ST6GALNAC3: variants seen among roughly 807,000 people sequenced by gnomAD.
ST6GALNAC3 encodes the protein ST6 N-acetylgalactosaminide alpha-2,6-sialyltransferase 3.
Under a neutral mutation model 32.7 loss-of-function variants are expected in ST6GALNAC3, and 25 were observed. The ratio of observed to expected loss-of-function variants is 0.76; its 90% CI spans 0.56 to 1.07. The LOEUF (loss-of-function observed/expected upper bound fraction) is 1.07. ST6GALNAC3 is among the 50% of genes least tolerant of loss of function. The probability of loss-of-function intolerance (pLI) is 0.00; values close to 1 mark genes in which losing one functional copy is unlikely to be tolerated. For missense variants in ST6GALNAC3, 355 were observed against 382.4 expected, an observed-to-expected ratio of 0.93 and a Z score of 0.60; for synonymous variants, 129 against 133.1, an observed-to-expected ratio of 0.97 and a Z score of 0.21.
At chr1:76,112,943 G>A (rs1168854450) in intron 1 of ST6GALNAC3, among the ~76,000 whole-genome samples, 1 of 152,236 alleles carries the variant, frequency 6.6e-6, no homozygotes, top group East Asian at 2.0e-4. Flanking sequence ...GGTGGCGGCC[G>A]GGCAGAGGCT....
intron 1 of ST6GALNAC3, among the ~76,000 whole-genome samples, chr1:76,169,424 C>A (rs1652332467): frequency 6.6e-6 from 1 of 152,006 alleles, no homozygotes; most frequent in African/African-American, 2.4e-5. Context: ...TGATTATGTG[C>A]TTGGGGATGA....
chr1:76,494,454 T>C (rs1456911293), intron 3 of ST6GALNAC3, among the ~76,000 whole-genome samples: 1 of 84,038 alleles, frequency 1.2e-5, no homozygotes, highest in Non-Finnish European at 2.3e-5. Context: ...TATATATATA[T>C]ATATATATAT....
intron 3 of ST6GALNAC3, among the ~76,000 whole-genome samples, chr1:76,499,418 A>T (rs140471894): frequency 2.2e-3 from 330 of 152,308 alleles, no homozygotes; most frequent in African/African-American, 7.7e-3. Flanking sequence ...AAATCATGCA[A>T]ATCAGAAGGC....
chr1:76,117,805 G>A (rs1162028093), intron 1 of ST6GALNAC3, among the ~76,000 whole-genome samples: 2 of 152,198 alleles, frequency 1.3e-5, no homozygotes, highest in Non-Finnish European at 2.9e-5. Flanking sequence ...TGTGGATTCA[G>A]ACCTGTGTGG....
intron 3 of ST6GALNAC3, among the ~76,000 whole-genome samples, chr1:76,523,155 C>T (rs943008371): frequency 9.9e-5 from 15 of 152,088 alleles, no homozygotes; most frequent in Admixed American, 6.5e-5. Flanking sequence ...GATACAAAGG[C>T]GTCAACCTTA....
intron 1 of ST6GALNAC3, among the ~76,000 whole-genome samples, chr1:76,082,344 T>C (rs551933715): frequency 1.3e-5 from 2 of 152,310 alleles, no homozygotes; most frequent in East Asian, 3.9e-4. Context: ...TTATGGATTA[T>C]CCAGACCCCA....
chr1:76,320,985 T>TTATATATA (rs147021451), intron 2 of ST6GALNAC3, among the ~76,000 whole-genome samples: 15 of 144,990 alleles, frequency 1.0e-4, no homozygotes, highest in African/African-American at 3.8e-4. Flanking sequence ...CACACACACA[T>TTATATATA]TATATATATA....
chr1:76,380,899 A>T lies in ST6GALNAC3; in HGVS notation c.214-31109A>T, dbSNP rs77698034. On this transcript the variant is annotated intron_variant, in intron 2 of 4. Transcript: ENST00000328299. ...AGGTACTGGGTAATGAATGTTTCCC[A>T]AATTATGGCATGAATGTTTAAGGAC... is the stretch of plus-strand genomic sequence containing the variant. Among the ~76,000 whole-genome samples the T allele has an allele frequency of 1.0e-3, 154 of 152,340 alleles. No individual in the cohort carries two copies. In the East Asian group the frequency reaches 0.027, roughly 27 times the overall value.
chr1:76,451,732 G>T (rs1242704276), intron 3 of ST6GALNAC3, among the ~76,000 whole-genome samples: 2 of 152,198 alleles, frequency 1.3e-5, no homozygotes, highest in Non-Finnish European at 2.9e-5. Flanking sequence ...CACTGTTTGT[G>T]TATAGCAGAC....
rs1475628500 is a variant in ST6GALNAC3, at chr1:76,630,200, C to T, written c.*1394C>T. The T allele has an allele frequency of 2.0e-6, 2 of 985,006 alleles. No individual in the cohort carries two copies. Among genetic ancestry groups the T allele is most frequent in the Non-Finnish European group, 2.4e-6 (2 of 829,802 alleles). The allele number at this position is 985,006 out of a possible 1,614,324, so 61.0% of individuals were successfully genotyped here. A position where few individuals can be genotyped will look rare whatever the true frequency, so the allele number is the denominator to read the frequency against. On this transcript the variant is annotated 3_prime_UTR_variant, in exon 5 of 5. Transcript: ENST00000328299. ...GAATAGAATTTATGTAAACTAGTAA[C>T]CAGTTGATCTCTGTGCCAAATACAT...
At chr1:76,427,417 T>C (rs1206325236) in intron 3 of ST6GALNAC3, among the ~76,000 whole-genome samples, 1 of 152,060 alleles carries the variant, frequency 6.6e-6, no homozygotes, top group Non-Finnish European at 1.5e-5. Context: ...TGGGAATGGC[T>C]CTGCATTTAA....
At chr1:76,516,425 CA>C (rs1269036287) in intron 3 of ST6GALNAC3, among the ~76,000 whole-genome samples, 1 of 151,960 alleles carries the variant, frequency 6.6e-6, no homozygotes, top group Non-Finnish European at 1.5e-5. Flanking sequence ...TTATAATTGG[CA>C]ATTAAAAATA....
intron 3 of ST6GALNAC3, among the ~76,000 whole-genome samples, chr1:76,427,468 G>A (rs1365287587): frequency 6.6e-6 from 1 of 152,030 alleles, no homozygotes; most frequent in Non-Finnish European, 1.5e-5. Context: ...TATGCCTGGA[G>A]AACCAGTGAC....
rs569193259 is a variant in ST6GALNAC3 at position 76,292,098 on chromosome 1, G to A, written c.19-21707G>A. On this transcript the variant is annotated intron_variant, in intron 1 of 4. Coordinates refer to ENST00000328299, the MANE Select transcript of ST6GALNAC3 (RefSeq NM_152996.4). ...TGAGAGCTCTCCAAGATAATTCTTGGGATTTGTATTAATTGTAGCTTGTCA... is the reference window on the plus strand; with the variant it reads ...TGAGAGCTCTCCAAGATAATTCTTGAGATTTGTATTAATTGTAGCTTGTCA... Among the ~76,000 whole-genome samples the A allele has an allele frequency of 2.6e-5, 4 of 152,288 alleles. No individual in the cohort carries two copies. In the East Asian group the frequency reaches 7.7e-4, roughly 29 times the overall value.
intron 1 of ST6GALNAC3, among the ~76,000 whole-genome samples, chr1:76,169,293 T>G (rs1652322863): frequency 6.6e-6 from 1 of 152,214 alleles, no homozygotes; most frequent in African/African-American, 2.4e-5. Flanking sequence ...TCTTTTGGCT[T>G]GTAGAGTTTC....
chr1:76,332,623 C>A lies in ST6GALNAC3; in HGVS notation c.213+18624C>A, dbSNP rs142022358. 9.7e-4 allele frequency among the ~76,000 whole-genome samples: 147 copies of A among 152,210 alleles called. 1 individual carries two copies. The highest frequency in any genetic ancestry group is 2.2e-3 in the Admixed American group (33 of 15,286). On this transcript the variant is annotated intron_variant, in intron 2 of 4. Transcript: ENST00000328299. Reference sequence around the variant, plus strand: ...TCCCCTGAGGTAGTAGGTAGATAAGCTGGTCATCAGGTTAGAGCCTGTATT... The same window carrying A: ...TCCCCTGAGGTAGTAGGTAGATAAGATGGTCATCAGGTTAGAGCCTGTATT...
chr1:76,385,750 T>G lies in ST6GALNAC3; in HGVS notation c.214-26258T>G, dbSNP rs114361061. On this transcript the variant is annotated intron_variant, in intron 2 of 4. Coordinates refer to ENST00000328299, the MANE Select transcript of ST6GALNAC3 (RefSeq NM_152996.4). Reference sequence around the variant, plus strand: ...CGAGAAGGGAAGATATTTTGGAAACTGACTCTGTTTTCTCTCTGTGGGTGA... The same window carrying G: ...CGAGAAGGGAAGATATTTTGGAAACGGACTCTGTTTTCTCTCTGTGGGTGA... Among the ~76,000 whole-genome samples the G allele has an allele frequency of 2.7e-3, 410 of 152,248 alleles. 2 individuals are homozygous for G. Among genetic ancestry groups the G allele is most frequent in the Non-Finnish European group, 3.6e-3 (244 of 67,976 alleles).
At chr1:76,446,896 T>C (rs1417291173) in intron 3 of ST6GALNAC3, among the ~76,000 whole-genome samples, 2 of 152,182 alleles carry the variant, frequency 1.3e-5, no homozygotes, top group Non-Finnish European at 1.5e-5. Context: ...TACCCAGTCT[T>C]GGGTATGTCT....
chr1:76,586,517 A>G (rs960787704), intron 3 of ST6GALNAC3, among the ~76,000 whole-genome samples: 1 of 152,188 alleles, frequency 6.6e-6, no homozygotes, highest in Non-Finnish European at 1.5e-5. Flanking sequence ...TACTCCTATT[A>G]TCACTCATTC....
Sources: gnomAD v4.1 joint callset for allele counts (sites outside exome capture counted in the v4.1 genomes callset) on GRCh38, gnomAD v4.1.1 for gene constraint, MANE v1.5 for transcripts, NCBI Gene and HGNC (gene_info 2026-07-23, HGNC 2026-07-21) for gene names.